The following NF2 variants were observed in gnomAD, a reference collection of about 807,000 sequenced individuals.
NF2 encodes the protein merlin.
A neutral mutation model predicts 83.7 loss-of-function variants in NF2; 8 were observed. That is an observed-to-expected ratio of 0.10 (90% confidence interval 0.06 to 0.17). NF2 has a LOEUF of 0.17. Ranked by LOEUF, NF2 falls within the 10% of genes least tolerant of loss-of-function variation. NF2 has a pLI of 1.00. For synonymous variants in NF2, 266 were observed against 269.6 expected (o/e 0.99, Z 0.13); for missense variants, 533 against 744.4 (o/e 0.72, Z 3.31).
Position 29,698,491 on chromosome 22 carries a change from G to T in NF2, c.*3689G>T. ...GTCAAACGTCACTTCTTCCTGTAGG[G>T]CCCGAGTCCTGCCTCCTATCAGGGC... On this transcript the variant is annotated 3_prime_UTR_variant, in exon 16 of 16. Transcript: ENST00000338641. 4.8e-6 allele frequency: 1 copy of T among 209,026 alleles called. No individual in the cohort carries two copies. The highest frequency in any genetic ancestry group is 9.7e-6 in the Non-Finnish European group (1 of 102,660). The allele number at this position is 209,026 out of a possible 1,614,324, so 12.9% of individuals were successfully genotyped here.
chr22:29,633,743 T>TA (rs967736219), intron 1 of NF2, among the ~76,000 whole-genome samples: 3 of 152,106 alleles, frequency 2.0e-5, no homozygotes, highest in African/African-American at 4.8e-5. Context: ...GCATGACTTT[T>TA]AAAAAAAGAC....
At chr22:29,680,039 A>T (rs2067081370) in intron 14 of NF2, among the ~76,000 whole-genome samples, 1 of 151,340 alleles carries the variant, frequency 6.6e-6, no homozygotes, top group Admixed American at 6.6e-5. Flanking sequence ...GTCTCTCTGG[A>T]GTCTCTTTTA....
chr22:29,649,883 A>G (rs1039401568), intron 4 of NF2, among the ~76,000 whole-genome samples: 1 of 152,112 alleles, frequency 6.6e-6, no homozygotes, highest in Non-Finnish European at 1.5e-5. Context: ...CAAGAACATA[A>G]TTGGATTGTT....
At chr22:29,613,181 A>G (rs1466733770) in intron 1 of NF2, among the ~76,000 whole-genome samples, 2 of 152,198 alleles carry the variant, frequency 1.3e-5, no homozygotes, top group Admixed American at 6.5e-5. Flanking sequence ...TTGAAAAAGA[A>G]CAAAGCAGAA....
chr22:29,612,210 G>C (rs1257528757), intron 1 of NF2, among the ~76,000 whole-genome samples: 5 of 152,120 alleles, frequency 3.3e-5, no homozygotes, highest in African/African-American at 7.2e-5. Context: ...GTTTCACCAT[G>C]TTGGCCAGGC....
intron 15 of NF2, among the ~76,000 whole-genome samples, chr22:29,691,145 C>G (rs554022637): frequency 1.1e-3 from 162 of 152,352 alleles, no homozygotes; most frequent in Non-Finnish European, 2.0e-3. Flanking sequence ...TCCTGGATAA[C>G]CTTCAAGATA....
chr22:29,623,491 A>G (rs2065268646), intron 1 of NF2, among the ~76,000 whole-genome samples: 1 of 152,224 alleles, frequency 6.6e-6, no homozygotes, highest in South Asian at 2.1e-4. Flanking sequence ...AAACCTGAAC[A>G]GCAGTGGGAC....
At chr22:29,607,844 A>T (rs893689006) in intron 1 of NF2, among the ~76,000 whole-genome samples, 1 of 152,196 alleles carries the variant, frequency 6.6e-6, no homozygotes. Flanking sequence ...TATAGAAATT[A>T]TAAAAAAAGA....
At chr22:29,620,980 A>C (rs149179602) in intron 1 of NF2, among the ~76,000 whole-genome samples, 1 of 152,332 alleles carries the variant, frequency 6.6e-6, no homozygotes, top group African/African-American at 2.4e-5. Context: ...AGAGGCTCAG[A>C]CAGGATACAT....
intron 8 of NF2, among the ~76,000 whole-genome samples, chr22:29,662,364 G>A (rs2066504091): frequency 6.6e-6 from 1 of 152,172 alleles, no homozygotes; most frequent in Non-Finnish European, 1.5e-5. Context: ...CTGGGCTTGA[G>A]CAATCCTCCC....
At chr22:29,680,585 G>C (rs1285129133) in intron 14 of NF2, among the ~76,000 whole-genome samples, 1 of 152,210 alleles carries the variant, frequency 6.6e-6, no homozygotes, top group Non-Finnish European at 1.5e-5. Flanking sequence ...GACACTTTGT[G>C]GGTGGTTTCC....
At chr22:29,677,674 C>G (rs2067006609) in intron 13 of NF2, among the ~76,000 whole-genome samples, 1 of 152,198 alleles carries the variant, frequency 6.6e-6, no homozygotes, top group South Asian at 2.1e-4. Flanking sequence ...ACTGCCCCAC[C>G]CATTGCCATA....
intron 4 of NF2, among the ~76,000 whole-genome samples, chr22:29,650,723 C>T (rs1475471512): frequency 1.3e-5 from 2 of 152,018 alleles, no homozygotes; most frequent in Non-Finnish European, 2.9e-5. Flanking sequence ...CCGCCTCAGC[C>T]TCCAGAGGAG....
In NF2 at chr22:29,636,935, G is replaced by C. The variant is rs2065665480; in HGVS notation, c.240+59G>C. 1 of 1,612,280 alleles carries C rather than the reference G, an allele frequency of 6.2e-7. No individual in the cohort carries two copies. On this transcript the variant is annotated intron_variant, in intron 2 of 15. Transcript: ENST00000338641. The surrounding 1 kb of genome is among the most constrained non-coding windows in gnomAD (Gnocchi z 4.4). ...GACGTGAGCTTTCCAGTTTTTCCCTGAGCAGGCGCCTAGCTCATCACTGGG... is the reference window on the plus strand; with the variant it reads ...GACGTGAGCTTTCCAGTTTTTCCCTCAGCAGGCGCCTAGCTCATCACTGGG...
intron 15 of NF2, among the ~76,000 whole-genome samples, chr22:29,693,139 C>G (rs2067451811): frequency 6.6e-6 from 1 of 152,230 alleles, no homozygotes; most frequent in Admixed American, 6.5e-5. Flanking sequence ...CTCCTTTCTT[C>G]CCCAGTGACC....
chr22:29,657,821 C>G lies in NF2; in HGVS notation c.600-368C>G, dbSNP rs547192027. Among the ~76,000 whole-genome samples the G allele has an allele frequency of 3.3e-5, 5 of 152,262 alleles. No individual in the cohort carries two copies. In the East Asian group the frequency reaches 9.6e-4, roughly 29 times the overall value. ...AAAGTACACAAAGGAAAAGCAAGAA[C>G]TTAAATAAAATTCCAACACCCAAAT... On this transcript the variant is annotated intron_variant, in intron 6 of 15. Transcript: ENST00000338641.
intron 10 of NF2, among the ~76,000 whole-genome samples, chr22:29,671,577 C>T (rs988453226): frequency 6.6e-6 from 1 of 151,986 alleles, no homozygotes; most frequent in African/African-American, 2.4e-5. Flanking sequence ...CAAGACTCAA[C>T]AGGTTTTTAT....
At chr22:29,628,534 A>T (rs1317784737) in intron 1 of NF2, among the ~76,000 whole-genome samples, 2 of 151,966 alleles carry the variant, frequency 1.3e-5, no homozygotes, top group Non-Finnish European at 2.9e-5. Flanking sequence ...GGAGAAGAAA[A>T]TTACTTGCTG....
chr22:29,625,179 G>A (rs1043355763), intron 1 of NF2, among the ~76,000 whole-genome samples: 20 of 151,886 alleles, frequency 1.3e-4, no homozygotes, highest in Non-Finnish European at 2.5e-4. Flanking sequence ...CACGCTCCTC[G>A]GCCTCCCAAA....
Sources: gnomAD v4.1 joint callset for allele counts (sites outside exome capture counted in the v4.1 genomes callset) on GRCh38, gnomAD v4.1.1 for gene constraint, Gnocchi (gnomAD v3.1) non-coding constraint, MANE v1.5 for transcripts, NCBI Gene and HGNC (gene_info 2026-07-23, HGNC 2026-07-21) for gene names.